Variants in CDKN2D observed in about 807,000 individuals in gnomAD.
The protein encoded by CDKN2D is cyclin dependent kinase inhibitor 2D.
In CDKN2D, 3 loss-of-function variants were observed where a neutral mutation model predicts 4.7. That is an observed-to-expected ratio of 0.64 (90% confidence interval 0.29 to 1.66). The LOEUF (loss-of-function observed/expected upper bound fraction) is 1.66. Ranked by LOEUF, CDKN2D falls within the 40% of genes most tolerant of loss-of-function variation. CDKN2D has a pLI of 0.10. For synonymous variants in CDKN2D, 91 were observed against 102.3 expected (o/e 0.89, Z 0.67); for missense variants, 196 against 230.9 (o/e 0.85, Z 0.98).
Position 10,566,952 on chromosome 19 carries a change from C to T in CDKN2D, c.*106G>A. 1 of 1,216,740 alleles carries T rather than the reference C, an allele frequency of 8.2e-7. No homozygotes were observed. The highest frequency in any genetic ancestry group is 1.1e-6 in the Non-Finnish European group (1 of 875,876). The allele number at this position is 1,216,740 out of a possible 1,614,324, so 75.4% of individuals were successfully genotyped here. A position where few individuals can be genotyped will look rare whatever the true frequency, so the allele number is the denominator to read the frequency against. On this transcript the variant is annotated 3_prime_UTR_variant, in exon 2 of 2. Transcript: ENST00000393599. The stretch of plus-strand genomic sequence containing the variant: ...TATAAGCCACAAACTGTGCTCCTCC[C>T]CTACTGCAGCAGTGGGCAGGAGAAA...
rs1193031874 is a variant in CDKN2D, at chr19:10,568,668, C to T, written c.-15G>A. 1.2e-5 allele frequency: 17 copies of T among 1,430,084 alleles called. No homozygotes were observed. Among genetic ancestry groups the T allele is most frequent in the African/African-American group, 1.5e-5 (1 of 68,062 alleles). The allele number at this position is 1,430,084 out of a possible 1,614,324, so 88.6% of individuals were successfully genotyped here. A position where few individuals can be genotyped will look rare whatever the true frequency, so the allele number is the denominator to read the frequency against. ...TCCAGCAGCATGTCGACACTGGCGG[C>T]CTGCAAAGCCCCCCGCCCCGCCCCA... On this transcript the variant is annotated 5_prime_UTR_variant, in exon 1 of 2. Coordinates refer to ENST00000393599, the MANE Select transcript of CDKN2D (RefSeq NM_001800.4).
At chr19:10,568,440 G>C (rs548495976) in intron 1 of CDKN2D, 73 bp downstream of exon 1, 29 of 1,258,816 alleles carry the variant, frequency 2.3e-5, no homozygotes, top group South Asian at 2.2e-4. Context: ...CAGGAGACCA[G>C]AGAGGAGCTC....
In CDKN2D at chr19:10,568,710, G is replaced by C. The variant is rs534716430; in HGVS notation, c.-57C>G. 8.7e-6 allele frequency: 11 copies of C among 1,262,458 alleles called. 1 individual carries two copies. The highest frequency in any genetic ancestry group is 9.0e-6 in the Non-Finnish European group (9 of 997,976). The allele number at this position is 1,262,458 out of a possible 1,614,324, so 78.2% of individuals were successfully genotyped here. On this transcript the variant is annotated 5_prime_UTR_variant, in exon 1 of 2. Coordinates refer to ENST00000393599, the MANE Select transcript of CDKN2D (RefSeq NM_001800.4). ...CCCGCCCCAGCCCGGCGCTGTCAGCGCGGAGCAGCCGGCGGGCGCTGGCCC... is the reference window on the plus strand; with the variant it reads ...CCCGCCCCAGCCCGGCGCTGTCAGCCCGGAGCAGCCGGCGGGCGCTGGCCC...
chr19:10,567,292 G>C lies in CDKN2D; in HGVS notation c.267C>G (p.Thr89=), dbSNP rs777634479. ...CCCCGTGCTCCACTAGGACCTTCAG[G>C]GTGTCCAGGAATCCAGTGCGGGCTG... ...HDAARTGFLD[T]LKVLVEHGAD... is the part of the protein sequence containing the mutation. Residue 89 remains threonine, a synonymous_variant, in exon 2 of 2, where the codon ACC becomes ACG. Transcript: ENST00000393599. 31 of 1,614,072 alleles carry C rather than the reference G, an allele frequency of 1.9e-5. 1 individual carries two copies. The highest frequency in any genetic ancestry group is 2.2e-5 in the Non-Finnish European group (26 of 1,180,026).
At position 10,568,851 on chromosome 19, in the gene CDKN2D, G is replaced by A. The variant is rs1916978780; in HGVS notation, c.-198C>T. 3.2e-6 allele frequency: 1 copy of A among 316,044 alleles called. No individual in the cohort carries two copies. Among genetic ancestry groups the A allele is most frequent in the Non-Finnish European group, 5.7e-6 (1 of 176,602 alleles). The allele number at this position is 316,044 out of a possible 1,614,324, so 19.6% of individuals were successfully genotyped here. A position where few individuals can be genotyped will look rare whatever the true frequency, so the allele number is the denominator to read the frequency against. On this transcript the variant is annotated 5_prime_UTR_variant, in exon 1 of 2. Transcript: ENST00000393599. ...GGGCTCCTCCCCCTGTCAGCCGGAG[G>A]ACGGCGAGGGGCTGGGAGCCGGGCC...
rs1444017333 is a variant in CDKN2D, at chr19:10,566,652, AC to A, written c.*405del. 4 of 215,358 alleles carry A rather than the reference AC, an allele frequency of 1.9e-5. No individual in the cohort carries two copies. The highest frequency in any genetic ancestry group is 2.8e-5 in the Non-Finnish European group (3 of 107,412). The allele number at this position is 215,358 out of a possible 1,614,324, so 13.3% of individuals were successfully genotyped here. ...CTTATTGATTTGGGACGCTCCCCCCACCCCCCATGCCTGAAGCAACGTGCAC... is the reference window on the plus strand; with the variant it reads ...CTTATTGATTTGGGACGCTCCCCCCACCCCCATGCCTGAAGCAACGTGCAC... On this transcript the variant is annotated 3_prime_UTR_variant, in exon 2 of 2. Coordinates refer to ENST00000393599, the MANE Select transcript of CDKN2D (RefSeq NM_001800.4).
intron 1 of CDKN2D, among the ~76,000 whole-genome samples, chr19:10,567,695 C>T (rs1277359015): frequency 6.9e-6 from 1 of 143,950 alleles, no homozygotes; most frequent in East Asian, 2.1e-4. Flanking sequence ...AAGACTCTCC[C>T]CCAAGGGACC....
At position 10,566,941 on chromosome 19, in the gene CDKN2D, T is replaced by A; in HGVS notation, c.*117A>T. On this transcript the variant is annotated 3_prime_UTR_variant, in exon 2 of 2. Transcript: ENST00000393599. ...AAACCAACACCTATAAGCCACAAAC[T>A]GTGCTCCTCCCCTACTGCAGCAGTG... 1 of 1,095,856 alleles carries A rather than the reference T, an allele frequency of 9.1e-7. No homozygotes were observed. Among genetic ancestry groups the A allele is most frequent in the Non-Finnish European group, 1.3e-6 (1 of 767,438 alleles). 67.9% of individuals were successfully genotyped at this position (1,095,856 alleles called of 1,614,324 possible).
Position 10,567,343 on chromosome 19 carries a change from G to C in CDKN2D, c.216C>G (p.Thr72=). The stretch of plus-strand genomic sequence containing the variant: ...CGTCATGGACTGGACTGGTACCGGA[G>C]GTGTCCTGGACATTGGGGCTGGCAC... ...KQGASPNVQD[T]SGTSPVHDAA... is the part of the protein sequence containing the mutation. The change falls in exon 2 of 2, where the codon ACC becomes ACG. Residue 72 remains threonine (T), a synonymous_variant. Coordinates refer to ENST00000393599, the MANE Select transcript of CDKN2D (RefSeq NM_001800.4). 1.2e-6 allele frequency: 2 copies of C among 1,614,188 alleles called. No individual in the cohort carries two copies. The highest frequency in any genetic ancestry group is 1.7e-6 in the Non-Finnish European group (2 of 1,180,034).
Position 10,566,489 on chromosome 19 carries a change from G to A in CDKN2D, c.*569C>T, listed in dbSNP as rs1490579237. The A allele has an allele frequency of 1.8e-5, 4 of 226,030 alleles. No individual in the cohort carries two copies. The highest frequency in any genetic ancestry group is 6.8e-5 in the African/African-American group (3 of 44,378). 14.0% of individuals were successfully genotyped at this position (226,030 alleles called of 1,614,324 possible). A position where few individuals can be genotyped will look rare whatever the true frequency, so the allele number is the denominator to read the frequency against. On this transcript the variant is annotated 3_prime_UTR_variant, in exon 2 of 2. Coordinates refer to ENST00000393599, the MANE Select transcript of CDKN2D (RefSeq NM_001800.4). ...ATCATGCACAAGTCTTAATTTAATG[G>A]GTAAAAACATTAAATTATTACAACA...
chr19:10,567,945 G>C (rs1426586997), intron 1 of CDKN2D, among the ~76,000 whole-genome samples: 1 of 152,052 alleles, frequency 6.6e-6, no homozygotes, highest in East Asian at 1.9e-4. Flanking sequence ...TAATAAAAGA[G>C]AAACGAGACT....
chr19:10,568,605 C>T lies in CDKN2D; in HGVS notation c.49G>A (p.Ala17Thr). 6.6e-7 allele frequency: 1 copy of T among 1,508,932 alleles called. No individual in the cohort carries two copies. Among genetic ancestry groups the T allele is most frequent in the Non-Finnish European group, 8.8e-7 (1 of 1,135,492 alleles). The allele number at this position is 1,508,932 out of a possible 1,614,324, so 93.5% of individuals were successfully genotyped here. A position where few individuals can be genotyped will look rare whatever the true frequency, so the allele number is the denominator to read the frequency against. Reference sequence around the variant, plus strand: ...CGCACCTCCTGCACGTCGCCCCGGGCCGCCGCCCCACTCAGCCGGTCGCCG... The same window carrying T: ...CGCACCTCCTGCACGTCGCCCCGGGTCGCCGCCCCACTCAGCCGGTCGCCG... ...RAGDRLSGAAARGDVQEVRRL... is the reference protein window; with the variant it reads ...RAGDRLSGAATRGDVQEVRRL... Residue 17 changes from alanine (A) to threonine (T), a missense_variant, in exon 1 of 2, where the codon GCC becomes ACC. Ala to Thr is a moderately conservative substitution (Grantham distance 58). Transcript: ENST00000393599.
rs1916982837 is a variant in CDKN2D, at chr19:10,568,945, A to C, written c.-292T>G. The C allele has an allele frequency of 2.1e-5, 4 of 194,384 alleles. No individual in the cohort carries two copies. The highest frequency in any genetic ancestry group is 3.2e-5 in the Non-Finnish European group (3 of 95,206). The allele number at this position is 194,384 out of a possible 1,614,324, so 12.0% of individuals were successfully genotyped here. A position where few individuals can be genotyped will look rare whatever the true frequency, so the allele number is the denominator to read the frequency against. The stretch of plus-strand genomic sequence containing the variant: ...TGGGGGCCGGGTCTCCCCCTAACTC[A>C]CCCTCCCTCCTCCTCGCCGGGCGGG... On this transcript the variant is annotated 5_prime_UTR_variant, in exon 1 of 2. Coordinates refer to ENST00000393599, the MANE Select transcript of CDKN2D (RefSeq NM_001800.4).
rs538866628 is a variant in CDKN2D at position 10,566,972 on chromosome 19, G to A, written c.*86C>T. ...CCTCCCCTACTGCAGCAGTGGGCAG[G>A]AGAAACAAGAAGAGAAAGTGTTTCT... On this transcript the variant is annotated 3_prime_UTR_variant, in exon 2 of 2. Coordinates refer to ENST00000393599, the MANE Select transcript of CDKN2D (RefSeq NM_001800.4). 2.9e-6 allele frequency: 4 copies of A among 1,395,978 alleles called. No individual in the cohort carries two copies. In the East Asian group the frequency reaches 9.2e-5, roughly 32 times the overall value. 86.5% of individuals were successfully genotyped at this position (1,395,978 alleles called of 1,614,324 possible).
intron 1 of CDKN2D, 125 bp from the exon 2 acceptor site, chr19:10,567,542 TC>T: frequency 8.8e-7 from 1 of 1,139,530 alleles, no homozygotes; most frequent in African/African-American, 1.6e-5. Flanking sequence ...AGAGGAGGGG[TC>T]CTCTAGTGAA....
rs200543818 is a variant in CDKN2D at position 10,567,135 on chromosome 19, G to A, written c.424C>T (p.Pro142Ser). The change falls in exon 2 of 2, where the codon CCC (proline) becomes TCC (serine). Residue 142 changes from proline (P) to serine (S), a missense_variant. Coordinates refer to ENST00000393599, the MANE Select transcript of CDKN2D (RefSeq NM_001800.4). ...CCTCTCTGCAGTGCCAGCTCCAAGG[G>A]TGTGAGACCCCTGGCGTCCCTGCGA... ...LHRRDARGLT[P>S]LELALQRGAQ... 113 of 1,613,992 alleles carry A rather than the reference G, an allele frequency of 7.0e-5. No homozygotes were observed. The highest frequency in any genetic ancestry group is 7.5e-5 in the Non-Finnish European group (88 of 1,180,030).
rs940969253 is a variant in CDKN2D, at chr19:10,566,816, G to C, written c.*242C>G. 1 of 496,976 alleles carries C rather than the reference G, an allele frequency of 2.0e-6. No individual in the cohort carries two copies. The highest frequency in any genetic ancestry group is 3.6e-5 in the Admixed American group (1 of 27,434). The allele number at this position is 496,976 out of a possible 1,614,324, so 30.8% of individuals were successfully genotyped here. ...CCTGAGGCGCAGAAGAAACTGAACC[G>C]TTTAGGTGGCTGTGGCCTGCAGGAG... On this transcript the variant is annotated 3_prime_UTR_variant, in exon 2 of 2. Transcript: ENST00000393599.
chr19:10,566,884 T>C lies in CDKN2D; in HGVS notation c.*174A>G. ...CACCAAAAGGAGTGAGAAAAACAAATGAGAAACGTCCCCCAAACACTCACA... is the reference window on the plus strand; with the variant it reads ...CACCAAAAGGAGTGAGAAAAACAAACGAGAAACGTCCCCCAAACACTCACA... On this transcript the variant is annotated 3_prime_UTR_variant, in exon 2 of 2. Transcript: ENST00000393599. 2 of 635,026 alleles carry C rather than the reference T, an allele frequency of 3.1e-6. No homozygotes were observed. The highest frequency in any genetic ancestry group is 3.9e-5 in the South Asian group (2 of 50,814). The allele number at this position is 635,026 out of a possible 1,614,324, so 39.3% of individuals were successfully genotyped here.
At position 10,568,819 on chromosome 19, in the gene CDKN2D, T is replaced by C; in HGVS notation, c.-166A>G. 1 of 379,390 alleles carries C rather than the reference T, an allele frequency of 2.6e-6. No individual in the cohort carries two copies. Among genetic ancestry groups the C allele is most frequent in the Non-Finnish European group, 4.4e-6 (1 of 229,214 alleles). 23.5% of individuals were successfully genotyped at this position (379,390 alleles called of 1,614,324 possible). On this transcript the variant is annotated 5_prime_UTR_variant, in exon 1 of 2. Coordinates refer to ENST00000393599, the MANE Select transcript of CDKN2D (RefSeq NM_001800.4). Reference sequence around the variant, plus strand: ...GCTCCCCAGCCCGAGACCCCGGCCCTCCCGGCGGGCTCCTCCCCCTGTCAG... The same window carrying C: ...GCTCCCCAGCCCGAGACCCCGGCCCCCCCGGCGGGCTCCTCCCCCTGTCAG...
Sources: gnomAD v4.1 joint callset for allele counts (sites outside exome capture counted in the v4.1 genomes callset) on GRCh38, gnomAD v4.1.1 for gene constraint, MANE v1.5 for transcripts, NCBI Gene and HGNC (gene_info 2026-07-23, HGNC 2026-07-21) for gene names.